NSMCE2: variants seen among roughly 807,000 people sequenced by gnomAD.
NSMCE2 encodes the protein E3 SUMO-protein ligase NSE2.
A neutral mutation model predicts 23.8 loss-of-function variants in NSMCE2; 24 were observed. The observed-to-expected ratio is 1.01, with a 90% confidence interval of 0.73 to 1.42. The LOEUF is 1.42. Among genes scored for constraint, NSMCE2 ranks in the 40% most tolerant of loss-of-function variants. The pLI, the probability that NSMCE2 is intolerant of heterozygous loss-of-function variation, is 0.00. For synonymous variants in NSMCE2, 92 were observed against 94.1 expected, an observed-to-expected ratio of 0.98 and a Z score of 0.13; for missense variants, 284 against 296.5, an observed-to-expected ratio of 0.96 and a Z score of 0.31.
At chr8:125,185,244 A>C (rs536792373) in intron 5 of NSMCE2, among the ~76,000 whole-genome samples, 8 of 152,102 alleles carry the variant, frequency 5.3e-5, no homozygotes, top group African/African-American at 4.8e-5. Flanking sequence ...AAGTTAATCT[A>C]TCTGTGGCTC....
chr8:125,204,461 CT>C (rs1332756510), intron 5 of NSMCE2, among the ~76,000 whole-genome samples: 1 of 152,204 alleles, frequency 6.6e-6, no homozygotes, highest in Non-Finnish European at 1.5e-5. Context: ...GACTCAAGAA[CT>C]TTTCATTCCT....
chr8:125,335,410 G>A (rs1039190921), intron 5 of NSMCE2, among the ~76,000 whole-genome samples: 71 of 152,188 alleles, frequency 4.7e-4, no homozygotes, highest in African/African-American at 1.7e-3. Flanking sequence ...AAGGTGATTA[G>A]GTAACTTGCT....
intron 4 of NSMCE2, among the ~76,000 whole-genome samples, chr8:125,166,556 C>T (rs533425568): frequency 5.1e-4 from 78 of 152,288 alleles, no homozygotes; most frequent in African/African-American, 1.6e-3. Flanking sequence ...TGTGAGCCAC[C>T]GCGCCTGGCC....
chr8:125,267,715 T>C (rs1462606468), intron 5 of NSMCE2, among the ~76,000 whole-genome samples: 1 of 152,204 alleles, frequency 6.6e-6, no homozygotes, highest in Non-Finnish European at 1.5e-5. Context: ...AGGTTGAGGC[T>C]GCAGTGAGCC....
rs568487576 is a variant in NSMCE2, at chr8:125,113,979, A to G, written c.157+11492A>G. Among the ~76,000 whole-genome samples, 7 of 152,298 alleles carry G rather than the reference A, an allele frequency of 4.6e-5. 1 individual carries two copies. In the East Asian group the frequency reaches 7.7e-4, roughly 17 times the overall value. On this transcript the variant is annotated intron_variant, in intron 3 of 7. Coordinates refer to ENST00000287437, the MANE Select transcript of NSMCE2 (RefSeq NM_173685.4). ...TTTGGTTGTGAACCAAAAGAAGTAA[A>G]TTCCCAGTTATTAAGATTAAATCTA...
At chr8:125,282,544 G>T (rs143603523) in intron 5 of NSMCE2, among the ~76,000 whole-genome samples, 505 of 152,312 alleles carry the variant, frequency 3.3e-3, no homozygotes, top group African/African-American at 0.011. Context: ...TTACTCCTTC[G>T]ATTTAAGAGT....
chr8:125,318,881 A>G (rs142977726), intron 5 of NSMCE2, among the ~76,000 whole-genome samples: 3,787 of 152,282 alleles, frequency 0.025, 67 homozygotes, highest in Non-Finnish European at 0.039. Context: ...AGGAAATATA[A>G]CTAAGAGTCC....
At chr8:125,293,246 A>G (rs569630596) in intron 5 of NSMCE2, among the ~76,000 whole-genome samples, 13 of 152,322 alleles carry the variant, frequency 8.5e-5, no homozygotes, top group African/African-American at 2.4e-4. Context: ...TTGTCCATTA[A>G]TCCACACTGG....
intron 5 of NSMCE2, among the ~76,000 whole-genome samples, chr8:125,278,007 G>A (rs887730577): frequency 2.0e-5 from 3 of 152,150 alleles, no homozygotes; most frequent in African/African-American, 7.2e-5. Flanking sequence ...TGGTATCAGT[G>A]GGAGAGCCTC....
chr8:125,172,343 A>G (rs1212343517), intron 4 of NSMCE2, among the ~76,000 whole-genome samples: 1 of 152,220 alleles, frequency 6.6e-6, no homozygotes, highest in Non-Finnish European at 1.5e-5. Context: ...TCCTAAAGTG[A>G]GAAATTCCCA....
At chr8:125,277,664 A>G (rs6415490) in intron 5 of NSMCE2, among the ~76,000 whole-genome samples, 136,448 of 152,100 alleles carry the variant, frequency 0.9, 61,319 homozygotes, top group African/African-American at 0.95. Context: ...CCGCCACCAC[A>G]CCTGGCTAAT....
intron 5 of NSMCE2, among the ~76,000 whole-genome samples, chr8:125,215,414 G>A (rs1824537764): frequency 6.6e-6 from 1 of 151,678 alleles, no homozygotes; most frequent in Middle Eastern, 3.4e-3. Context: ...GTGTATATAT[G>A]CCACATTTTC....
chr8:125,164,881 T>C (rs979966273), intron 4 of NSMCE2, among the ~76,000 whole-genome samples: 2 of 152,228 alleles, frequency 1.3e-5, no homozygotes, highest in Admixed American at 1.3e-4. Flanking sequence ...CCAGGCAGTA[T>C]TCAGTTATCT....
chr8:125,343,878 C>T (rs531777884), intron 5 of NSMCE2, among the ~76,000 whole-genome samples: 91 of 152,016 alleles, frequency 6.0e-4, no homozygotes, highest in African/African-American at 2.1e-3. Flanking sequence ...TGGTGGCGGG[C>T]GCCTGTAGTC....
chr8:125,327,693 G>T (rs1829724697), intron 5 of NSMCE2, among the ~76,000 whole-genome samples: 1 of 151,506 alleles, frequency 6.6e-6, no homozygotes, highest in Non-Finnish European at 1.5e-5. Flanking sequence ...TTAAAAGTAA[G>T]ATTTCTTTAG....
At chr8:125,153,597 G>A (rs994214160) in intron 4 of NSMCE2, among the ~76,000 whole-genome samples, 6 of 152,130 alleles carry the variant, frequency 3.9e-5, no homozygotes, top group Admixed American at 2.6e-4. Flanking sequence ...TTTAGAAATA[G>A]CAATGGTCTA....
chr8:125,144,142 C>G (rs966833622), intron 3 of NSMCE2, among the ~76,000 whole-genome samples: 19 of 152,082 alleles, frequency 1.2e-4, no homozygotes, highest in African/African-American at 4.1e-4. Context: ...GCTCTGGGTA[C>G]CATGTACTAC....
chr8:125,213,792 A>T (rs1824461725), intron 5 of NSMCE2, among the ~76,000 whole-genome samples: 2 of 148,350 alleles, frequency 1.3e-5, no homozygotes, highest in South Asian at 2.2e-4. Context: ...CCATTCTGAA[A>T]TGTGAGTTTT....
intron 5 of NSMCE2, among the ~76,000 whole-genome samples, chr8:125,301,770 C>G (rs533350965): frequency 2.6e-4 from 39 of 150,464 alleles, no homozygotes; most frequent in Non-Finnish European, 5.6e-4. Context: ...TCAAGCAATT[C>G]TCCTGCCGCA....
Sources: gnomAD v4.1 joint callset for allele counts (sites outside exome capture counted in the v4.1 genomes callset) on GRCh38, gnomAD v4.1.1 for gene constraint, MANE v1.5 for transcripts, NCBI Gene and HGNC (gene_info 2026-07-23, HGNC 2026-07-21) for gene names.